CDH4: variants seen among roughly 807,000 people sequenced by gnomAD.
The protein encoded by CDH4 is cadherin 4, also known as cadherin-4.
Under a neutral mutation model 86.0 loss-of-function variants are expected in CDH4, and 33 were observed. That is an observed-to-expected ratio of 0.38 (90% CI 0.29 to 0.51). The LOEUF is 0.51. CDH4 is among the 20% of genes least tolerant of loss of function. The pLI, the probability that CDH4 is intolerant of heterozygous loss-of-function variation, is 0.86. For synonymous variants in CDH4, 555 were observed against 549.4 expected, an observed-to-expected ratio of 1.01 and a Z score of -0.14; for missense variants, 1,114 against 1,307.4, an observed-to-expected ratio of 0.85 and a Z score of 2.28.
chr20:61,730,649 G>A (rs951328260), intron 2 of CDH4, among the ~76,000 whole-genome samples: 1 of 152,230 alleles, frequency 6.6e-6, no homozygotes, highest in Non-Finnish European at 1.5e-5. Flanking sequence ...CCCACAGACT[G>A]GCAGGAGGTG....
chr20:61,573,150 C>T (rs908005665), intron 2 of CDH4, among the ~76,000 whole-genome samples: 2 of 152,134 alleles, frequency 1.3e-5, no homozygotes, highest in East Asian at 3.9e-4. Context: ...CCTGCACAGT[C>T]CTTTCTTCAG....
intron 2 of CDH4, among the ~76,000 whole-genome samples, chr20:61,363,418 C>G (rs1331901799): frequency 6.6e-6 from 1 of 152,058 alleles, no homozygotes; most frequent in Non-Finnish European, 1.5e-5. Flanking sequence ...ATATCTCTCT[C>G]TCTCTCTCTC....
At chr20:61,350,102 C>T (rs1199918267) in intron 2 of CDH4, among the ~76,000 whole-genome samples, 1 of 150,318 alleles carries the variant, frequency 6.7e-6, no homozygotes, top group African/African-American at 2.5e-5. Flanking sequence ...CAGCGTCAGG[C>T]AGACACCTCC....
intron 2 of CDH4, among the ~76,000 whole-genome samples, chr20:61,602,079 C>T (rs547569990): frequency 3.0e-4 from 45 of 152,292 alleles, no homozygotes; most frequent in African/African-American, 7.9e-4. Flanking sequence ...GGAGCTGCGC[C>T]GTGCCCTGCT....
At chr20:61,383,746 GATATATGCATATATATGAAGAT>G (rs1568823320) in intron 2 of CDH4, among the ~76,000 whole-genome samples, 804 of 70,436 alleles carry the variant, frequency 0.011, 5 homozygotes, top group African/African-American at 0.022. Flanking sequence ...TATATATGAA[GATATATGCATATATATGAAGAT>G]ATATATGCAT....
intron 4 of CDH4, among the ~76,000 whole-genome samples, chr20:61,827,609 T>G (rs60294538): frequency 0.011 from 1,750 of 152,330 alleles, 29 homozygotes; most frequent in African/African-American, 0.04. Flanking sequence ...CTATCCATTA[T>G]AGAGAAATAA....
chr20:61,760,895 A>G (rs2088625747), intron 3 of CDH4, among the ~76,000 whole-genome samples: 1 of 152,206 alleles, frequency 6.6e-6, no homozygotes, highest in African/African-American at 2.4e-5. Context: ...ACTCATGCAA[A>G]TGCTGACTTA....
intron 2 of CDH4, among the ~76,000 whole-genome samples, chr20:61,607,211 C>A (rs556354351): frequency 5.1e-4 from 78 of 152,300 alleles, no homozygotes; most frequent in African/African-American, 1.8e-3. Flanking sequence ...AATCTGCGCA[C>A]ATATAAAGGT....
intron 2 of CDH4, among the ~76,000 whole-genome samples, chr20:61,366,254 A>C (rs2084810263): frequency 1.3e-5 from 2 of 152,330 alleles, no homozygotes; most frequent in Non-Finnish European, 2.9e-5. Flanking sequence ...AGTTCTCTGC[A>C]GTCCTGGGAG....
rs143530893 is a variant in CDH4, at chr20:61,623,283, G to A, written c.170-120280G>A. Among the ~76,000 whole-genome samples the A allele has an allele frequency of 6.6e-6, 1 of 152,240 alleles. No homozygotes were observed. Among genetic ancestry groups the A allele is most frequent in the African/African-American group, 2.4e-5 (1 of 41,542 alleles). ...TGCTTTTTCCTTGAGCATCTGGGAC[G>A]TCTGTCATCAGCAGACAGCTGCTGG... On this transcript the variant is annotated intron_variant, in intron 2 of 15. Coordinates refer to ENST00000614565, the MANE Select transcript of CDH4 (RefSeq NM_001794.5). This position sits in a 1 kb window ranked among gnomAD's most constrained non-coding sequence, Gnocchi z 4.4.
chr20:61,495,599 GAAGGT>G (rs1420937698), intron 2 of CDH4, among the ~76,000 whole-genome samples: 1 of 152,116 alleles, frequency 6.6e-6, no homozygotes, highest in Non-Finnish European at 1.5e-5. Flanking sequence ...AAGAAAGAAA[GAAGGT>G]AAGAGAGTCC....
At chr20:61,260,938 A>G (rs546619772) in intron 2 of CDH4, among the ~76,000 whole-genome samples, 3 of 152,344 alleles carry the variant, frequency 2.0e-5, no homozygotes, top group African/African-American at 4.8e-5. Context: ...AAAGCGCTGC[A>G]TGGTGCATCA....
At chr20:61,797,234 G>T (rs922504105) in intron 4 of CDH4, among the ~76,000 whole-genome samples, 2 of 152,182 alleles carry the variant, frequency 1.3e-5, no homozygotes, top group African/African-American at 4.8e-5. Context: ...CCATTCCGCA[G>T]GGTGGGGAAG....
chr20:61,748,088 G>T (rs2386940), intron 3 of CDH4, among the ~76,000 whole-genome samples: 4 of 152,126 alleles, frequency 2.6e-5, no homozygotes, highest in Non-Finnish European at 4.4e-5. Context: ...GAGCTGGGGC[G>T]TTGTGGGGGG....
intron 2 of CDH4, among the ~76,000 whole-genome samples, chr20:61,693,726 C>T (rs1261598447): frequency 6.6e-6 from 1 of 152,182 alleles, no homozygotes; most frequent in African/African-American, 2.4e-5. Flanking sequence ...GCACCTAGAG[C>T]CCAACAACAG....
At chr20:61,542,033 T>C (rs532395412) in intron 2 of CDH4, among the ~76,000 whole-genome samples, 1 of 152,308 alleles carries the variant, frequency 6.6e-6, no homozygotes, top group South Asian at 2.1e-4. Flanking sequence ...GAGCCTGCTC[T>C]GGGCCCTCTT....
At chr20:61,692,820 C>CT (rs1193778854) in intron 2 of CDH4, among the ~76,000 whole-genome samples, 2 of 150,232 alleles carry the variant, frequency 1.3e-5, no homozygotes, top group African/African-American at 5.0e-5. Flanking sequence ...AGCAAGCAAG[C>CT]TTTTTTGTTT....
chr20:61,265,659 A>T (rs1393941526), intron 2 of CDH4, among the ~76,000 whole-genome samples: 1 of 152,150 alleles, frequency 6.6e-6, no homozygotes, highest in Non-Finnish European at 1.5e-5. Flanking sequence ...TGGTTCCTTC[A>T]TTCAGTCCTA....
chr20:61,356,837 A>T (rs750493211), intron 2 of CDH4, among the ~76,000 whole-genome samples: 7 of 152,222 alleles, frequency 4.6e-5, no homozygotes, highest in Non-Finnish European at 8.8e-5. Context: ...AGCAGATTGG[A>T]TCTAGGTGGG....
Sources: allele counts gnomAD v4.1 joint callset (sites outside exome capture counted in the v4.1 genomes callset), GRCh38; gene constraint gnomAD v4.1.1; non-coding constraint Gnocchi (gnomAD v3.1); transcripts MANE v1.5; gene names NCBI Gene and HGNC (gene_info 2026-07-23, HGNC 2026-07-21).